Variants in MTCL1 observed in about 807,000 individuals in gnomAD.
The protein encoded by MTCL1 is microtubule crosslinking factor 1.
A neutral mutation model predicts 141.4 loss-of-function variants in MTCL1; 79 were observed. The ratio of observed to expected loss-of-function variants is 0.56; its 90% CI spans 0.47 to 0.67. The LOEUF is 0.67. Ranked by LOEUF, MTCL1 falls within the 30% of genes least tolerant of loss-of-function variation. MTCL1 has a pLI of 0.00. For synonymous variants in MTCL1, 914 were observed against 875.8 expected (o/e 1.04, Z -0.77); for missense variants, 2,177 against 2,113.9 (o/e 1.03, Z -0.59).
At chr18:8,797,087 G>A (rs1046967016) in intron 9 of MTCL1, among the ~76,000 whole-genome samples, 3 of 152,154 alleles carry the variant, frequency 2.0e-5, no homozygotes, top group Non-Finnish European at 4.4e-5. Context: ...CCATAACTCC[G>A]TGCTGTAGCA....
intron 11 of MTCL1, 160 bp from the exon 11 acceptor site, chr18:8,812,819 C>G: frequency 2.3e-6 from 2 of 879,464 alleles, no homozygotes; most frequent in Non-Finnish European, 3.4e-6. Flanking sequence ...GTCAAACGCT[C>G]TTAATTAGGA....
intron 1 of MTCL1, among the ~76,000 whole-genome samples, chr18:8,712,228 G>A (rs80230549): frequency 6.6e-6 from 1 of 152,216 alleles, no homozygotes; most frequent in Non-Finnish European, 1.5e-5. Context: ...AAACAAGTTG[G>A]TGCTAGATAC....
At chr18:8,715,086 G>A (rs183765156), upstream of MTCL1, among the ~76,000 whole-genome samples, 33 of 152,254 alleles carry the variant, frequency 2.2e-4, 1 homozygote, top group East Asian at 1.4e-3. Flanking sequence ...GTGAGCCACC[G>A]CACCCGGCCC....
chr18:8,784,268 G>A lies in MTCL1; in HGVS notation c.1156G>A (p.Asp386Asn), dbSNP rs752144245. 6 of 1,598,550 alleles carry A rather than the reference G, an allele frequency of 3.8e-6. No individual in the cohort carries two copies. The East Asian group carries it at 6.7e-5, about 18-fold the overall frequency. ...GCGTGCCCCCAGTCCCCGGGACAGC[G>A]ATGCCGAGAGTGATGCGGGCAAGAA... The change falls in exon 6 of 17, where the codon GAT (aspartate) becomes AAT (asparagine). Residue 386 changes from aspartate (D) to asparagine (N), a missense_variant. Transcript: ENST00000359865.
chr18:8,818,025 T>G (rs1250471465), intron 12 of MTCL1, among the ~76,000 whole-genome samples: 1 of 152,096 alleles, frequency 6.6e-6, no homozygotes, highest in Admixed American at 6.6e-5. Context: ...TGTGATTTCA[T>G]ATGGGCTCCC....
chr18:8,784,355 G>A, exon 6 of MTCL1: 1 of 1,538,434 alleles, frequency 6.5e-7, no homozygotes, highest in Non-Finnish European at 8.8e-7. Context: ...TGTTGGCGGG[G>A]AGAGTGACTC....
At chr18:8,811,785 GA>G (rs1281708364) in intron 11 of MTCL1, among the ~76,000 whole-genome samples, 1 of 152,192 alleles carries the variant, frequency 6.6e-6, no homozygotes, top group Non-Finnish European at 1.5e-5. Context: ...GACACCAAAT[GA>G]GGCAATCTAT....
intron 4 of MTCL1, among the ~76,000 whole-genome samples, chr18:8,734,679 A>C (rs2148882910): frequency 6.6e-6 from 1 of 152,272 alleles, no homozygotes; most frequent in South Asian, 2.1e-4. Context: ...CGTCACTTTT[A>C]CTGAGGTGGT....
chr18:8,706,747 C>A (rs1332522273), intron 1 of MTCL1, 34 bp downstream of exon 1: 1 of 1,541,306 alleles, frequency 6.5e-7, no homozygotes, highest in Non-Finnish European at 8.7e-7. Flanking sequence ...TGTCCCGGGG[C>A]GCCCCCGGAG....
At chr18:8,823,402 G>A (rs917999582) in intron 14 of MTCL1, among the ~76,000 whole-genome samples, 1 of 152,220 alleles carries the variant, frequency 6.6e-6, no homozygotes, top group Admixed American at 6.5e-5. Context: ...CCACAGAAAT[G>A]TGGAAAGGAC....
exon 6 of MTCL1, chr18:8,783,578 G>A: frequency 1.7e-5 from 27 of 1,612,464 alleles, no homozygotes; most frequent in Non-Finnish European, 2.3e-5. Flanking sequence ...CAAAGAGGAA[G>A]CCTTCCTGAT....
At chr18:8,736,198 A>G (rs1292441283) in intron 4 of MTCL1, among the ~76,000 whole-genome samples, 2 of 152,208 alleles carry the variant, frequency 1.3e-5, no homozygotes, top group Non-Finnish European at 2.9e-5. Flanking sequence ...ACATGATGAC[A>G]TGCCATAGAT....
intron 4 of MTCL1, among the ~76,000 whole-genome samples, chr18:8,743,575 T>TC (rs1334349704): frequency 6.6e-6 from 1 of 152,248 alleles, no homozygotes; most frequent in Non-Finnish European, 1.5e-5. Flanking sequence ...TAGGGAAGAA[T>TC]CCATTTTCTT....
chr18:8,804,412 C>T (rs941169391), intron 10 of MTCL1, among the ~76,000 whole-genome samples: 6 of 152,038 alleles, frequency 3.9e-5, no homozygotes, highest in Admixed American at 1.3e-4. Context: ...AGAGCCACAA[C>T]GCTAATTTTT....
intron 12 of MTCL1, among the ~76,000 whole-genome samples, chr18:8,816,510 C>A (rs903692158): frequency 6.6e-6 from 1 of 152,090 alleles, no homozygotes; most frequent in Non-Finnish European, 1.5e-5. Context: ...AGTTTGATTG[C>A]GGGGTGGGGG....
chr18:8,830,267 C>T lies in MTCL1; in HGVS notation c.*18+1303C>T, dbSNP rs1568121818. 4.1e-6 allele frequency: 4 copies of T among 985,498 alleles called. No individual in the cohort carries two copies. Among genetic ancestry groups the T allele is most frequent in the Middle Eastern group, 5.2e-4 (1 of 1,914 alleles). 61.0% of individuals were successfully genotyped at this position (985,498 alleles called of 1,614,324 possible). A position where few individuals can be genotyped will look rare whatever the true frequency, so the allele number is the denominator to read the frequency against. ...TTTCTGGTTGTCACGGTACTGTTAG[C>T]ATAATGCTTTGGGAACAGAAGCTTC... On this transcript the variant is annotated intron_variant, in intron 16 of 16. Coordinates refer to ENST00000359865, the Ensembl canonical transcript of MTCL1. This position sits in a 1 kb window ranked among gnomAD's most constrained non-coding sequence, Gnocchi z 6.4.
exon 4 of MTCL1, chr18:8,720,348 A>T: frequency 6.2e-7 from 1 of 1,614,166 alleles, no homozygotes. Context: ...GTAGCCAAAG[A>T]TGTATCTGTC....
intron 4 of MTCL1, among the ~76,000 whole-genome samples, chr18:8,758,827 C>A (rs2096415684): frequency 6.6e-6 from 1 of 152,288 alleles, no homozygotes; most frequent in South Asian, 2.1e-4. Context: ...TCTGCTGATA[C>A]CCAGGGAAAC....
Position 8,786,111 on chromosome 18 carries a change from C to CCCCCCCCCCCCA in MTCL1, c.1887+30_1887+31insCACCCCCCCCCC. The CCCCCCCCCCCCA allele has an allele frequency of 2.0e-5, 23 of 1,128,898 alleles. No individual in the cohort carries two copies. The highest frequency in any genetic ancestry group is 5.8e-5 in the South Asian group (4 of 68,986). 69.9% of individuals were successfully genotyped at this position (1,128,898 alleles called of 1,614,324 possible). A position where few individuals can be genotyped will look rare whatever the true frequency, so the allele number is the denominator to read the frequency against. ...CTGGAGGTCAGCGTGGGCAAGCAAT[C>CCCCCCCCCCCCA]CCCCCCCCCCGCCCTCCCCCTCCTT... is the stretch of plus-strand genomic sequence containing the variant. On this transcript the variant is annotated intron_variant, in intron 7 of 16. Coordinates refer to ENST00000359865, the Ensembl canonical transcript of MTCL1.
Sources: allele counts gnomAD v4.1 joint callset (sites outside exome capture counted in the v4.1 genomes callset), GRCh38; gene constraint gnomAD v4.1.1; non-coding constraint Gnocchi (gnomAD v3.1); transcripts MANE v1.5; gene names NCBI Gene and HGNC (gene_info 2026-07-23, HGNC 2026-07-21).